Variants in PCGF6 observed in about 807,000 individuals in gnomAD.
PCGF6 encodes polycomb group RING finger protein 6.
In PCGF6, 24 loss-of-function variants were observed where a neutral mutation model predicts 45.5. The observed-to-expected ratio is 0.53, with a 90% CI of 0.38 to 0.74. The LOEUF (loss-of-function observed/expected upper bound fraction) is 0.74, where lower values mean the gene tolerates loss of function less well. Ranked by LOEUF, PCGF6 falls within the 30% of genes least tolerant of loss-of-function variation. The pLI is 0.00. For synonymous variants in PCGF6, 152 were observed against 162.1 expected (o/e 0.94, Z 0.47); for missense variants, 356 against 443.2 (o/e 0.80, Z 1.77).
chr10:103,321,164 T>C (rs2093195868), intron 8 of PCGF6, among the ~76,000 whole-genome samples: 1 of 152,170 alleles, frequency 6.6e-6, no homozygotes, highest in Admixed American at 6.6e-5. Context: ...AAATTAAAGG[T>C]TGAAACAAAT....
At chr10:103,339,801 C>CAAAA (rs200037917) in intron 6 of PCGF6, among the ~76,000 whole-genome samples, 8 of 26,950 alleles carry the variant, frequency 3.0e-4, no homozygotes, top group Admixed American at 6.0e-4. Context: ...CTGTCTGTCT[C>CAAAA]AAAAAAAAAA....
intron 8 of PCGF6, among the ~76,000 whole-genome samples, chr10:103,325,771 T>C (rs941020579): frequency 1.1e-4 from 17 of 151,044 alleles, no homozygotes; most frequent in African/African-American, 4.1e-4. Flanking sequence ...ATAATCCTAG[T>C]GCTTTGGGAA....
Position 103,348,943 on chromosome 10 carries a change from A to C in PCGF6, c.417T>G (p.Gly139=). 1 of 1,613,934 alleles carries C rather than the reference A, an allele frequency of 6.2e-7. No homozygotes were observed. The highest frequency in any genetic ancestry group is 8.5e-7 in the Non-Finnish European group (1 of 1,179,812). ...TGATGGTAGTTGCATCTATTAAGTA[A>C]CCTTTGCAAATGGAACACAAGATGT... ...TPYILCSICK[G]YLIDATTITE... The change falls in exon 2 of 10, where the codon GGT becomes GGG. Residue 139 remains glycine (G), a synonymous_variant. Transcript: ENST00000369847.
At chr10:103,311,570 A>C (rs1372330695) in intron 9 of PCGF6, among the ~76,000 whole-genome samples, 1 of 150,964 alleles carries the variant, frequency 6.6e-6, no homozygotes, top group African/African-American at 2.4e-5. Context: ...TGCCTCCCGA[A>C]GTGCTGGGAT....
At chr10:103,339,809 AAACACACACAC>A (rs1293887318) in intron 6 of PCGF6, among the ~76,000 whole-genome samples, 3,120 of 38,670 alleles carry the variant, frequency 0.081, 191 homozygotes, top group African/African-American at 0.12. Context: ...CTCAAAAAAA[AAACACACACAC>A]ACACACACAC....
chr10:103,307,729 T>C (rs1338226298), intron 9 of PCGF6, among the ~76,000 whole-genome samples: 1 of 152,102 alleles, frequency 6.6e-6, no homozygotes, highest in Non-Finnish European at 1.5e-5. Context: ...CGCCTCGGCC[T>C]CCCAGAATAC....
intron 9 of PCGF6, 128 bp from the exon 10 acceptor site, chr10:103,304,089 A>T: frequency 1.4e-6 from 1 of 712,238 alleles, no homozygotes; most frequent in Non-Finnish European, 2.4e-6. Flanking sequence ...ATTTAAAGAA[A>T]ATAAGTGGAC....
chr10:103,324,118 T>C (rs528789756), intron 8 of PCGF6, among the ~76,000 whole-genome samples: 103 of 151,752 alleles, frequency 6.8e-4, no homozygotes, highest in Non-Finnish European at 1.3e-3. Flanking sequence ...TTTCATTTTT[T>C]AGTAGAGACA....
At chr10:103,347,837 C>G (rs919992281) in intron 3 of PCGF6, among the ~76,000 whole-genome samples, 1 of 152,062 alleles carries the variant, frequency 6.6e-6, no homozygotes, top group South Asian at 2.1e-4. Context: ...ACTAAAGGCG[C>G]GTGACACCAC....
Position 103,349,018 on chromosome 10 carries a change from A to G in PCGF6, c.361-19T>C, listed in dbSNP as rs1162131463. On this transcript the variant is annotated intron_variant, in intron 1 of 9. Coordinates refer to ENST00000369847, the MANE Select transcript of PCGF6 (RefSeq NM_001011663.2). ...TCAGGCGCTGCAAATAAACGGAAAC[A>G]GTTTTAAAATACAAGTCCTTGCCTT... 6.3e-7 allele frequency: 1 copy of G among 1,583,602 alleles called. No homozygotes were observed. The highest frequency in any genetic ancestry group is 1.2e-5 in the South Asian group (1 of 86,814).
intron 8 of PCGF6, among the ~76,000 whole-genome samples, chr10:103,317,476 CTG>C (rs996572593): frequency 2.0e-5 from 3 of 152,008 alleles, no homozygotes; most frequent in African/African-American, 7.2e-5. Flanking sequence ...AAATAATTCA[CTG>C]TAACAAATTC....
intron 9 of PCGF6, 129 bp from the exon 10 acceptor site, chr10:103,304,090 A>G (rs2093128777): frequency 7.1e-6 from 5 of 703,722 alleles, no homozygotes; most frequent in Non-Finnish European, 1.2e-5. Context: ...TTTAAAGAAA[A>G]TAAGTGGACC....
rs190311305 is a variant in PCGF6 at position 103,306,767 on chromosome 10, A to G, written c.997-2806T>C. Among the ~76,000 whole-genome samples, 744 of 152,340 alleles carry G rather than the reference A, an allele frequency of 4.9e-3. 5 individuals carry two copies. The highest frequency in any genetic ancestry group is 0.017 in the Middle Eastern group (5 of 294). ...ATGTGAAGTCAATAGGGAATGTTGAAGACCAGTGGTAAACCAGAGAGAGCA... is the reference window on the plus strand; with the variant it reads ...ATGTGAAGTCAATAGGGAATGTTGAGGACCAGTGGTAAACCAGAGAGAGCA... On this transcript the variant is annotated intron_variant, in intron 9 of 9. Transcript: ENST00000369847.
rs190330517 is a variant in PCGF6 at position 103,327,545 on chromosome 10, T to G, written c.811-913A>C. 1.3e-4 allele frequency among the ~76,000 whole-genome samples: 20 copies of G among 152,314 alleles called. No individual in the cohort carries two copies. In the East Asian group the frequency reaches 3.9e-3, roughly 29 times the overall value. On this transcript the variant is annotated intron_variant, in intron 7 of 9. Transcript: ENST00000369847. ...AAAAACTGTAGTATCATTATTATGT[T>G]GCCATAAAAGGACACTTAACATGAA...
intron 6 of PCGF6, among the ~76,000 whole-genome samples, chr10:103,341,526 G>A (rs1180522653): frequency 1.3e-5 from 2 of 149,888 alleles, no homozygotes; most frequent in East Asian, 2.0e-4. Flanking sequence ...TGCAACCTCC[G>A]CCTCTCGGAT....
chr10:103,321,384 A>C (rs1385453676), intron 8 of PCGF6, among the ~76,000 whole-genome samples: 1 of 152,196 alleles, frequency 6.6e-6, no homozygotes, highest in Non-Finnish European at 1.5e-5. Context: ...ATCAACTTAG[A>C]AGAGAAATAC....
At chr10:103,350,545 C>T (rs2093317026) in intron 1 of PCGF6, among the ~76,000 whole-genome samples, 162 bp downstream of exon 1, 2 of 152,200 alleles carry the variant, frequency 1.3e-5, no homozygotes, top group African/African-American at 4.8e-5. Flanking sequence ...GGCCTGTCGG[C>T]GCCACACGCC....
Position 103,303,722 on chromosome 10 carries a change from G to GT in PCGF6, c.*182dup, listed in dbSNP as rs1345112744. ...GGCTGCTTTTTATATACAGTCTCTA[G>GT]TAACAGATGCATTCCATCGTTCCAA... On this transcript the variant is annotated 3_prime_UTR_variant, in exon 10 of 10. Transcript: ENST00000369847. 2.1e-6 allele frequency: 1 copy of GT among 485,342 alleles called. No homozygotes were observed. The highest frequency in any genetic ancestry group is 3.7e-6 in the Non-Finnish European group (1 of 271,874). The allele number at this position is 485,342 out of a possible 1,614,324, so 30.1% of individuals were successfully genotyped here.
intron 8 of PCGF6, among the ~76,000 whole-genome samples, chr10:103,322,134 G>A (rs1033226737): frequency 2.0e-5 from 3 of 152,098 alleles, no homozygotes; most frequent in African/African-American, 7.2e-5. Context: ...GACCTCAGGT[G>A]ATCCACCCAC....
Sources: gnomAD v4.1 joint callset for allele counts (sites outside exome capture counted in the v4.1 genomes callset) on GRCh38, gnomAD v4.1.1 for gene constraint, MANE v1.5 for transcripts, NCBI Gene and HGNC (gene_info 2026-07-23, HGNC 2026-07-21) for gene names.